NOX5: variants seen among roughly 807,000 people sequenced by gnomAD.
The protein encoded by NOX5 is NADPH oxidase 5.
A neutral mutation model predicts 85.7 loss-of-function variants in NOX5; 76 were observed. That is an observed-to-expected ratio of 0.89 (90% CI 0.74 to 1.07). The LOEUF is 1.07. NOX5 is among the 50% of genes least tolerant of loss of function. The pLI, the probability that NOX5 is intolerant of heterozygous loss-of-function variation, is 0.00. For missense variants in NOX5, 973 were observed against 999.5 expected (o/e 0.97, Z 0.36); for synonymous variants, 405 against 401.4 (o/e 1.01, Z -0.11).
intron 3 of NOX5, chr15:69,028,589 A>T: frequency 2.7e-6 from 1 of 375,864 alleles, no homozygotes; most frequent in Non-Finnish European, 4.7e-6. Context: ...CAGCAGGGAG[A>T]AAAGGAGGGA....
At chr15:69,028,079 C>T in intron 2 of NOX5, 136 bp from the exon 3 acceptor site, 1 of 895,114 alleles carries the variant, frequency 1.1e-6, no homozygotes. Context: ...GTTCAGGCAC[C>T]TGAGTTCTGC....
chr15:69,021,001 A>G (rs1262472381), intron 1 of NOX5, among the ~76,000 whole-genome samples: 1 of 152,054 alleles, frequency 6.6e-6, no homozygotes, highest in Non-Finnish European at 1.5e-5. Flanking sequence ...CCATCCTTAC[A>G]TTACTAAACT....
chr15:69,042,602 C>G, intron 9 of NOX5, 61 bp from the exon 10 acceptor site: 1 of 1,555,242 alleles, frequency 6.4e-7, no homozygotes, highest in Non-Finnish European at 8.7e-7. Context: ...TGGGGTGAGG[C>G]TTGCTCCCTG....
chr15:69,054,948 G>A (rs548101703), intron 14 of NOX5, among the ~76,000 whole-genome samples: 38 of 152,306 alleles, frequency 2.5e-4, no homozygotes, highest in African/African-American at 8.7e-4. Flanking sequence ...TCTTGGCCAG[G>A]CATGGTGGCT....
intron 12 of NOX5, 66 bp from the exon 13 acceptor site, chr15:69,047,764 C>A (rs1489185527): frequency 2.6e-6 from 4 of 1,540,830 alleles, no homozygotes; most frequent in Non-Finnish European, 2.7e-6. Flanking sequence ...GTCCCCTGAA[C>A]TGTTCTCTGG....
intron 9 of NOX5, among the ~76,000 whole-genome samples, chr15:69,042,339 T>G (rs1200409157): frequency 6.6e-6 from 1 of 152,234 alleles, no homozygotes; most frequent in African/African-American, 2.4e-5. Context: ...CCTGTTTTGG[T>G]GAGTCCTTGG....
Position 69,056,757 on chromosome 15 carries a change from T to C in NOX5, c.*61T>C, listed in dbSNP as rs2050817818. ...ATGGGTCTGCTTCATTGCATTAGTATAAATGCCCCCACAGGGACCAGCCTC... is the reference window on the plus strand; with the variant it reads ...ATGGGTCTGCTTCATTGCATTAGTACAAATGCCCCCACAGGGACCAGCCTC... On this transcript the variant is annotated 3_prime_UTR_variant, in exon 16 of 16. Transcript: ENST00000388866. 1 of 1,585,148 alleles carries C rather than the reference T, an allele frequency of 6.3e-7. No individual in the cohort carries two copies. The highest frequency in any genetic ancestry group is 8.6e-7 in the Non-Finnish European group (1 of 1,165,420).
At chr15:69,055,290 T>C (rs1478485676) in intron 14 of NOX5, 44 bp from the exon 15 acceptor site, 10 of 1,584,230 alleles carry the variant, frequency 6.3e-6, no homozygotes, top group Non-Finnish European at 7.8e-6. Flanking sequence ...GCGCCCATGA[T>C]GGGTACTAGA....
At position 69,061,842 on chromosome 15, in the gene NOX5, T is replaced by G. The variant is rs2050873442; in HGVS notation, c.*5146T>G. On this transcript the variant is annotated 3_prime_UTR_variant, in exon 16 of 16. Coordinates refer to ENST00000388866, the MANE Select transcript of NOX5 (RefSeq NM_024505.4). ...AAGAAAGACAGGTAGTGAGTTTTAGTGTGGCAGGGAAGAAAAGGATGCATT... is the reference window on the plus strand; with the variant it reads ...AAGAAAGACAGGTAGTGAGTTTTAGGGTGGCAGGGAAGAAAAGGATGCATT... The G allele has an allele frequency of 6.6e-6, 1 of 152,104 alleles. No homozygotes were observed. The highest frequency in any genetic ancestry group is 1.5e-5 in the Non-Finnish European group (1 of 68,014). 9.4% of individuals were successfully genotyped at this position (152,104 alleles called of 1,614,324 possible).
In NOX5 at chr15:69,061,779, C is replaced by T. The variant is rs1567112096; in HGVS notation, c.*5083C>T. ...TCAGGGACAAATGGGCCCTCTTAAACTACCCTAGCTGTGTGAGTGTAGCCT... is the reference window on the plus strand; with the variant it reads ...TCAGGGACAAATGGGCCCTCTTAAATTACCCTAGCTGTGTGAGTGTAGCCT... On this transcript the variant is annotated 3_prime_UTR_variant, in exon 16 of 16. Coordinates refer to ENST00000388866, the MANE Select transcript of NOX5 (RefSeq NM_024505.4). 1.3e-5 allele frequency: 2 copies of T among 152,266 alleles called. No individual in the cohort carries two copies. The highest frequency in any genetic ancestry group is 1.9e-4 in the East Asian group (1 of 5,188). 9.4% of individuals were successfully genotyped at this position (152,266 alleles called of 1,614,324 possible).
chr15:69,015,385 G>T (rs1321379903), intron 1 of NOX5, among the ~76,000 whole-genome samples: 1 of 152,180 alleles, frequency 6.6e-6, no homozygotes, highest in Non-Finnish European at 1.5e-5. Context: ...TCTGAAAAGT[G>T]GGAGGTGAAC....
intron 1 of NOX5, among the ~76,000 whole-genome samples, chr15:69,025,444 C>T (rs2050345176): frequency 6.6e-6 from 1 of 152,202 alleles, no homozygotes; most frequent in African/African-American, 2.4e-5. Context: ...CACTCACTGT[C>T]TGAGAGCTGA....
intron 1 of NOX5, among the ~76,000 whole-genome samples, chr15:69,016,917 A>C (rs1305333522): frequency 1.3e-5 from 2 of 152,146 alleles, no homozygotes; most frequent in Non-Finnish European, 2.9e-5. Context: ...GGCATTCCAA[A>C]GTTAGCCTGA....
In NOX5 at chr15:69,047,703, A is replaced by G. The variant is rs1055571995; in HGVS notation, c.1818-127A>G. 5.4e-6 allele frequency: 7 copies of G among 1,286,356 alleles called. No individual in the cohort carries two copies. The African/African-American group carries it at 9.1e-5, about 17-fold the overall frequency. 79.7% of individuals were successfully genotyped at this position (1,286,356 alleles called of 1,614,324 possible). On this transcript the variant is annotated intron_variant, in intron 12 of 15. Transcript: ENST00000388866. ...TGCCCCCCTCTCCTTTTTGTGTCTC[A>G]TCCCTCCCCTTCCTCATAGAGTGGG...
At chr15:69,040,746 G>A (rs2050584045) in intron 9 of NOX5, among the ~76,000 whole-genome samples, 1 of 151,928 alleles carries the variant, frequency 6.6e-6, no homozygotes, top group African/African-American at 2.4e-5. Flanking sequence ...GAGTGCAGTG[G>A]TGTGATCTTG....
intron 14 of NOX5, among the ~76,000 whole-genome samples, chr15:69,049,800 CACT>C (rs899310662): frequency 6.6e-6 from 1 of 152,286 alleles, no homozygotes; most frequent in Non-Finnish European, 1.5e-5. Flanking sequence ...TTCTTATTCA[CACT>C]AATTTGTGTT....
rs753733900 is a variant in NOX5 at position 69,031,538 on chromosome 15, T to A, written c.346T>A (p.Ser116Thr). The part of the protein sequence containing the change: ...DIDVCARQGA[S>T]AGTEWGAGAG... ...TGCAGTGTGTGCACGGCAGGGGGCG[T>A]CTGCAGGTACAGAGTGGGGTGCTGG... Residue 116 changes from serine (S) to threonine (T), a missense_variant, in exon 4 of 16, where the codon TCT (serine) becomes ACT (threonine). Transcript: ENST00000388866. 2 of 1,609,520 alleles carry A rather than the reference T, an allele frequency of 1.2e-6. No homozygotes were observed. Among genetic ancestry groups the A allele is most frequent in the East Asian group, 2.2e-5 (1 of 44,776 alleles).
At chr15:69,026,459 G>A (rs900219904) in intron 1 of NOX5, 69 bp from the exon 2 acceptor site, 1 of 1,602,980 alleles carries the variant, frequency 6.2e-7, no homozygotes, top group African/African-American at 1.3e-5. Flanking sequence ...AGAGGCCCTG[G>A]GACCACCATG....
rs971080784 is a variant in NOX5 at position 69,059,660 on chromosome 15, C to CCA, written c.*2969_*2970dup. 2.6e-5 allele frequency: 4 copies of CCA among 152,154 alleles called. No individual in the cohort carries two copies. Among genetic ancestry groups the CCA allele is most frequent in the African/African-American group, 9.7e-5 (4 of 41,406 alleles). 9.4% of individuals were successfully genotyped at this position (152,154 alleles called of 1,614,324 possible). On this transcript the variant is annotated 3_prime_UTR_variant, in exon 16 of 16. Transcript: ENST00000388866. ...GGACATGTCATCGAAGGCAGCAGGA[C>CCA]CACACATGTGAGTGTACAGCACGCA...
Sources: gnomAD v4.1 joint callset for allele counts (sites outside exome capture counted in the v4.1 genomes callset) on GRCh38, gnomAD v4.1.1 for gene constraint, MANE v1.5 for transcripts, NCBI Gene and HGNC (gene_info 2026-07-23, HGNC 2026-07-21) for gene names.